The following ZMYM2 variants were observed in gnomAD, a reference collection of about 807,000 sequenced individuals.
ZMYM2 encodes zinc finger MYM-type containing 2.
A neutral mutation model predicts 162.8 loss-of-function variants in ZMYM2; 56 were observed. The ratio of observed to expected loss-of-function variants is 0.34; its 90% confidence interval spans 0.28 to 0.43. ZMYM2 has a LOEUF of 0.43. Ranked by LOEUF, ZMYM2 falls within the 20% of genes least tolerant of loss-of-function variation. The pLI is 1.00. For synonymous variants in ZMYM2, 510 were observed against 541.6 expected, an observed-to-expected ratio of 0.94 and a Z score of 0.81; for missense variants, 1,275 against 1,621.8, an observed-to-expected ratio of 0.79 and a Z score of 3.67.
chr13:19,964,459 C>T (rs903745619), intron 2 of ZMYM2, among the ~76,000 whole-genome samples: 2 of 152,130 alleles, frequency 1.3e-5, no homozygotes, highest in East Asian at 3.8e-4. Flanking sequence ...GAGACAGGGA[C>T]CCACTTTGTT....
Position 19,973,180 on chromosome 13 carries a change from G to A in ZMYM2, c.-11+13154G>A, listed in dbSNP as rs924483979. Among the ~76,000 whole-genome samples the A allele has an allele frequency of 2.0e-4, 30 of 151,620 alleles. 1 individual carries two copies. The highest frequency in any genetic ancestry group is 7.4e-5 in the Non-Finnish European group (5 of 67,910). On this transcript the variant is annotated intron_variant, in intron 2 of 24. Transcript: ENST00000610343. ...TCAAACTCCTGACCTCAGGTGATCCGCCCACCTCAGCCTCCCAAAGTGCTG... is the reference window on the plus strand; with the variant it reads ...TCAAACTCCTGACCTCAGGTGATCCACCCACCTCAGCCTCCCAAAGTGCTG...
At chr13:19,890,134 G>A in the ZMYM2 span, among the ~76,000 whole-genome samples, 2 of 151,744 alleles carry the variant, frequency 1.3e-5, no homozygotes, top group Non-Finnish European at 2.9e-5. Flanking sequence ...CATTTGTATC[G>A]AGAAACGTAT....
chr13:19,940,214 G>A, the ZMYM2 span, among the ~76,000 whole-genome samples: 1 of 152,158 alleles, frequency 6.6e-6, no homozygotes, highest in African/African-American at 2.4e-5. Flanking sequence ...AAAGAAAGTG[G>A]TAGAATAAAG....
chr13:19,929,219 A>G, the ZMYM2 span, among the ~76,000 whole-genome samples: 138,313 of 152,062 alleles, frequency 0.91, 63,056 homozygotes, highest in East Asian at 1. Flanking sequence ...TTGTTCAGAT[A>G]ACATTATGTA....
At chr13:19,987,572 C>CGTGTGT (rs36128018) in intron 2 of ZMYM2, among the ~76,000 whole-genome samples, 1,850 of 133,310 alleles carry the variant, frequency 0.014, 53 homozygotes, top group African/African-American at 0.044. Context: ...CGCCCCGCTA[C>CGTGTGT]GTGTGTGTGT....
intron 7 of ZMYM2, chr13:20,026,214 A>G (rs1483189326): frequency 6.5e-6 from 1 of 153,868 alleles, no homozygotes; most frequent in Admixed American, 6.5e-5. Context: ...TCTTCACCAT[A>G]CTTTTTATTA....
chr13:20,047,198 G>A (rs1401988631), intron 12 of ZMYM2, among the ~76,000 whole-genome samples: 3 of 152,160 alleles, frequency 2.0e-5, no homozygotes, highest in Non-Finnish European at 2.9e-5. Flanking sequence ...TGGTTTTGCT[G>A]CCTGCAGCCA....
the ZMYM2 span, among the ~76,000 whole-genome samples, chr13:19,903,640 A>G: frequency 1.3e-5 from 2 of 151,800 alleles, no homozygotes; most frequent in Non-Finnish European, 2.9e-5. Flanking sequence ...GGCTGAGGCC[A>G]GTGTGGATCA....
the ZMYM2 span, among the ~76,000 whole-genome samples, chr13:19,895,652 T>C: frequency 6.6e-6 from 1 of 151,780 alleles, no homozygotes; most frequent in African/African-American, 2.4e-5. Context: ...GATGAATCCA[T>C]TCATGAGGGC....
the ZMYM2 span, among the ~76,000 whole-genome samples, chr13:19,885,997 A>ATATACACATATATG: frequency 2.2e-4 from 8 of 35,662 alleles, 2 homozygotes; most frequent in East Asian, 7.1e-3. Flanking sequence ...ACACATATAT[A>ATATACACATATATG]TGTGTATATA....
At chr13:20,010,492 G>A (rs187615840) in intron 6 of ZMYM2, among the ~76,000 whole-genome samples, 1 of 152,106 alleles carries the variant, frequency 6.6e-6, no homozygotes, top group Non-Finnish European at 1.5e-5. Context: ...GTGAGCCACC[G>A]TACCTGGCCA....
the ZMYM2 span, among the ~76,000 whole-genome samples, chr13:19,886,644 G>GTTGTT: frequency 6.6e-6 from 1 of 151,164 alleles, no homozygotes; most frequent in African/African-American, 2.4e-5. Context: ...TTTTGTTGTT[G>GTTGTT]TTGTTTTGTT....
At chr13:19,919,595 G>GTGA in the ZMYM2 span, among the ~76,000 whole-genome samples, 1 of 151,880 alleles carries the variant, frequency 6.6e-6, no homozygotes, top group Admixed American at 6.6e-5. Flanking sequence ...CTGATGGCTA[G>GTGA]TGATGTTGAA....
At chr13:20,039,755 C>T (rs1954066821) in intron 12 of ZMYM2, among the ~76,000 whole-genome samples, 1 of 152,142 alleles carries the variant, frequency 6.6e-6, no homozygotes, top group Admixed American at 6.5e-5. Context: ...GGATTACAGG[C>T]GTGAGCCACC....
chr13:20,054,828 A>G (rs1955656564), intron 14 of ZMYM2, among the ~76,000 whole-genome samples: 2 of 152,150 alleles, frequency 1.3e-5, no homozygotes, highest in African/African-American at 4.8e-5. Flanking sequence ...AATGCCTGGT[A>G]TGTAACAGAT....
intron 12 of ZMYM2, among the ~76,000 whole-genome samples, chr13:20,047,763 G>A (rs1340610097): frequency 6.6e-6 from 1 of 151,688 alleles, no homozygotes; most frequent in Non-Finnish European, 1.5e-5. Flanking sequence ...ATTTAAAATA[G>A]AGATTTATTA....
At chr13:20,062,708 T>C in intron 17 of ZMYM2, 138 bp from the exon 18 acceptor site, 1 of 820,076 alleles carries the variant, frequency 1.2e-6, no homozygotes, top group Non-Finnish European at 1.8e-6. Context: ...ATATATAATA[T>C]GCCCTTTTCT....
the ZMYM2 span, among the ~76,000 whole-genome samples, chr13:19,886,346 T>C: frequency 6.6e-6 from 1 of 151,378 alleles, no homozygotes; most frequent in Non-Finnish European, 1.5e-5. Context: ...GTATTTTTAG[T>C]AGAGGTGGGG....
chr13:19,991,079 C>CTGTGTGTGTGTGTGTGTGTG (rs56666919), intron 2 of ZMYM2, among the ~76,000 whole-genome samples: 158 of 59,926 alleles, frequency 2.6e-3, no homozygotes, highest in African/African-American at 4.0e-3. Flanking sequence ...TATGTATTTT[C>CTGTGTGTGTGTGTGTGTGTG]TGTGTGTGTG....
Sources: allele counts gnomAD v4.1 joint callset (sites outside exome capture counted in the v4.1 genomes callset), GRCh38; gene constraint gnomAD v4.1.1; transcripts MANE v1.5; gene names NCBI Gene and HGNC (gene_info 2026-07-23, HGNC 2026-07-21).